The following NCOA3 variants were observed in gnomAD, a reference collection of about 807,000 sequenced individuals.
The protein encoded by NCOA3 is CBP-interacting protein.
A neutral mutation model predicts 158.8 loss-of-function variants in NCOA3; 51 were observed. That is an observed-to-expected ratio of 0.32 (90% CI 0.26 to 0.41). The LOEUF is 0.41. Ranked by LOEUF, NCOA3 falls within the 10% of genes least tolerant of loss-of-function variation. The pLI, the probability that NCOA3 is intolerant of heterozygous loss-of-function variation, is 1.00. For missense variants in NCOA3, 1,510 were observed against 1,746.6 expected (o/e 0.86, Z 2.41); for synonymous variants, 537 against 592.4 (o/e 0.91, Z 1.36).
At chr20:47,556,786 A>G (rs1024767359) in intron 1 of NCOA3, among the ~76,000 whole-genome samples, 1 of 152,200 alleles carries the variant, frequency 6.6e-6, no homozygotes, top group African/African-American at 2.4e-5. Flanking sequence ...GGAAAGCATT[A>G]CAGTCTCAAA....
intron 1 of NCOA3, 128 bp downstream of exon 1, chr20:47,502,147 G>T (rs1404216045): frequency 5.0e-6 from 2 of 397,434 alleles, no homozygotes; most frequent in Non-Finnish European, 8.9e-6. Flanking sequence ...TGAGGGGCGC[G>T]CCGGCCGGGG....
chr20:47,573,579 A>G (rs770687378), intron 1 of NCOA3, among the ~76,000 whole-genome samples: 1 of 152,238 alleles, frequency 6.6e-6, no homozygotes, highest in Non-Finnish European at 1.5e-5. Flanking sequence ...CAGGGCTGCC[A>G]CAAACCTCAA....
intron 1 of NCOA3, among the ~76,000 whole-genome samples, chr20:47,568,303 T>C (rs2085231376): frequency 6.6e-6 from 1 of 152,148 alleles, no homozygotes; most frequent in Admixed American, 6.6e-5. Context: ...TGTACTTTTT[T>C]TCTGTTATCT....
intron 1 of NCOA3, among the ~76,000 whole-genome samples, chr20:47,524,694 C>T (rs2084398836): frequency 6.6e-6 from 1 of 152,134 alleles, no homozygotes; most frequent in Admixed American, 6.5e-5. Context: ...AGGAGGTCCC[C>T]CCAGTATACA....
At chr20:47,643,442 G>A (rs1322829311) in intron 17 of NCOA3, among the ~76,000 whole-genome samples, 3 of 152,208 alleles carry the variant, frequency 2.0e-5, no homozygotes, top group African/African-American at 7.2e-5. Flanking sequence ...TTGGCACTGA[G>A]GAGCCATATT....
chr20:47,525,572 C>G (rs1167084002), intron 1 of NCOA3, among the ~76,000 whole-genome samples: 1 of 134,922 alleles, frequency 7.4e-6, no homozygotes, highest in Admixed American at 7.1e-5. Context: ...GCTGACCCCC[C>G]CCACCTCCCT....
intron 1 of NCOA3, among the ~76,000 whole-genome samples, chr20:47,526,117 CG>C (rs1568655264): frequency 1.3e-5 from 2 of 150,638 alleles, no homozygotes; most frequent in East Asian, 2.0e-4. Context: ...CCTCACATCC[CG>C]GACGGGGCGG....
At chr20:47,563,388 G>A (rs182746215) in intron 1 of NCOA3, among the ~76,000 whole-genome samples, 65 of 152,276 alleles carry the variant, frequency 4.3e-4, no homozygotes, top group Non-Finnish European at 4.9e-4. Flanking sequence ...GTTTATGATG[G>A]GGGGAGGAGA....
chr20:47,515,843 C>T (rs2146067785), intron 1 of NCOA3, among the ~76,000 whole-genome samples: 1 of 152,198 alleles, frequency 6.6e-6, no homozygotes, highest in East Asian at 1.9e-4. Context: ...CAGACAATGG[C>T]ATATTATTCA....
At chr20:47,633,456 G>A (rs750329296) in intron 8 of NCOA3, 40 bp from the exon 9 acceptor site, 1 of 1,567,462 alleles carries the variant, frequency 6.4e-7, no homozygotes, top group Non-Finnish European at 8.7e-7. Context: ...AATACTTGTG[G>A]GCTGGATATA....
At chr20:47,585,928 T>G (rs1328138640) in intron 2 of NCOA3, among the ~76,000 whole-genome samples, 73 of 111,844 alleles carry the variant, frequency 6.5e-4, no homozygotes, top group Middle Eastern at 5.1e-3. Context: ...CTCCACAGGT[T>G]TTTTTTTTTT....
intron 17 of NCOA3, among the ~76,000 whole-genome samples, chr20:47,642,597 T>C (rs2086628758): frequency 6.6e-6 from 1 of 152,204 alleles, no homozygotes; most frequent in Non-Finnish European, 1.5e-5. Flanking sequence ...ACGATTGCGA[T>C]ATTACTTTCA....
chr20:47,592,553 C>G (rs1198668041), intron 2 of NCOA3, among the ~76,000 whole-genome samples: 1 of 152,160 alleles, frequency 6.6e-6, no homozygotes, highest in African/African-American at 2.4e-5. Flanking sequence ...TTGATAGAGG[C>G]TTCAGAAAAG....
chr20:47,530,197 TTC>T (rs2084522208), intron 1 of NCOA3, among the ~76,000 whole-genome samples: 1 of 152,244 alleles, frequency 6.6e-6, no homozygotes, highest in Non-Finnish European at 1.5e-5. Flanking sequence ...TTTTTAAAAC[TTC>T]TGATTCCAAA....
intron 2 of NCOA3, among the ~76,000 whole-genome samples, chr20:47,595,759 C>T (rs1377636163): frequency 6.6e-6 from 1 of 151,860 alleles, no homozygotes; most frequent in Non-Finnish European, 1.5e-5. Context: ...CTAGCTCCAC[C>T]ACTTACTGGA....
intron 1 of NCOA3, among the ~76,000 whole-genome samples, chr20:47,540,573 C>A (rs1255806919): frequency 2.2e-5 from 3 of 139,272 alleles, no homozygotes; most frequent in Non-Finnish European, 1.6e-5. Context: ...ACTCTTGTCT[C>A]AAAAAAAAAA....
intron 1 of NCOA3, among the ~76,000 whole-genome samples, chr20:47,558,976 C>G (rs373039564): frequency 2.6e-5 from 4 of 152,054 alleles, no homozygotes; most frequent in Non-Finnish European, 4.4e-5. Flanking sequence ...CAGCTTTTTC[C>G]GTAACAGTGA....
intron 22 of NCOA3, 116 bp downstream of exon 22, chr20:47,653,188 A>T: frequency 1.5e-6 from 2 of 1,311,312 alleles, no homozygotes; most frequent in Admixed American, 2.6e-5. Flanking sequence ...TGTATAACTT[A>T]AAATATAGTA....
At chr20:47,536,572 T>G (rs1166702419) in intron 1 of NCOA3, among the ~76,000 whole-genome samples, 3 of 152,250 alleles carry the variant, frequency 2.0e-5, no homozygotes, top group African/African-American at 7.2e-5. Flanking sequence ...AACAAATTGT[T>G]GTCATGCCTT....
Sources: gnomAD v4.1 joint callset for allele counts (sites outside exome capture counted in the v4.1 genomes callset) on GRCh38, gnomAD v4.1.1 for gene constraint, MANE v1.5 for transcripts, NCBI Gene and HGNC (gene_info 2026-07-23, HGNC 2026-07-21) for gene names.